Variants in ATP6V0D2 observed in about 807,000 individuals in gnomAD.
The protein encoded by ATP6V0D2 is V-type proton ATPase subunit d 2.
In ATP6V0D2, 40 loss-of-function variants were observed where a neutral mutation model predicts 40.0. The observed-to-expected ratio is 1.00, with a 90% CI of 0.78 to 1.30. The LOEUF is 1.30. Among genes scored for constraint, ATP6V0D2 ranks in the 50% most tolerant of loss-of-function variants. ATP6V0D2 has a pLI of 0.00. For synonymous variants in ATP6V0D2, 179 were observed against 156.3 expected (o/e 1.15, Z -1.08); for missense variants, 470 against 423.1 (o/e 1.11, Z -0.97).
chr8:86,099,082 A>T lies in ATP6V0D2; in HGVS notation c.104A>T (p.Asn35Ile). ...CTCCTGACCCAGCAAGACTATATCA[A>T]CCTGGTCCAGTGTGAGACCCTAGAA... ...ASLLTQQDYI[N>I]LVQCETLEDL... is the part of the protein sequence containing the mutation. Residue 35 changes from asparagine (N) to isoleucine (I), a missense_variant, in exon 1 of 8, where the codon AAC (asparagine) becomes ATC (isoleucine). Asn to Ile is a moderately radical substitution (Grantham distance 149). Transcript: ENST00000285393. 6.2e-7 allele frequency: 1 copy of T among 1,613,038 alleles called. No individual in the cohort carries two copies. Among genetic ancestry groups the T allele is most frequent in the Non-Finnish European group, 8.5e-7 (1 of 1,179,712 alleles).
chr8:86,127,763 A>G (rs937095395), intron 2 of ATP6V0D2, among the ~76,000 whole-genome samples: 1 of 152,194 alleles, frequency 6.6e-6, no homozygotes, highest in Non-Finnish European at 1.5e-5. Flanking sequence ...TACATTCTGT[A>G]TGTATAATTG....
rs369096171 is a variant in ATP6V0D2 at position 86,098,940 on chromosome 8, G to A, written c.-39G>A. 142 of 1,606,724 alleles carry A rather than the reference G, an allele frequency of 8.8e-5. No homozygotes were observed. The highest frequency in any genetic ancestry group is 1.2e-4 in the Non-Finnish European group (142 of 1,176,816). ...TCTTCAGGGGCCGTCCAGGACTACA[G>A]AGCTGTTTCACCCTACCTTGGCTTC... On this transcript the variant is annotated 5_prime_UTR_variant, in exon 1 of 8. Coordinates refer to ENST00000285393, the MANE Select transcript of ATP6V0D2 (RefSeq NM_152565.1).
chr8:86,114,075 T>C (rs1486324897), intron 2 of ATP6V0D2, among the ~76,000 whole-genome samples, 195 bp downstream of exon 2: 1 of 152,140 alleles, frequency 6.6e-6, no homozygotes, highest in Admixed American at 6.5e-5. Flanking sequence ...ATTTCATTGA[T>C]TTATAAACAT....
intron 2 of ATP6V0D2, among the ~76,000 whole-genome samples, chr8:86,118,527 C>T (rs1221349347): frequency 1.3e-5 from 2 of 152,046 alleles, no homozygotes; most frequent in Non-Finnish European, 2.9e-5. Context: ...TTCCTCCTCC[C>T]AGTGATGGTT....
chr8:86,143,212 G>T (rs1194107922), intron 5 of ATP6V0D2, among the ~76,000 whole-genome samples: 1 of 152,040 alleles, frequency 6.6e-6, no homozygotes, highest in Non-Finnish European at 1.5e-5. Flanking sequence ...CACAGATTTG[G>T]TTATGATTCA....
At chr8:86,111,667 C>A (rs1359864160) in intron 1 of ATP6V0D2, among the ~76,000 whole-genome samples, 1 of 152,158 alleles carries the variant, frequency 6.6e-6, no homozygotes, top group African/African-American at 2.4e-5. Flanking sequence ...CTTAATACTT[C>A]AGCAACACTG....
intron 6 of ATP6V0D2, 48 bp from the exon 7 acceptor site, chr8:86,151,418 T>C (rs1000149009): frequency 7.9e-7 from 1 of 1,270,454 alleles, no homozygotes; most frequent in African/African-American, 1.5e-5. Context: ...TTTATATACA[T>C]TTATAAGAAA....
intron 2 of ATP6V0D2, among the ~76,000 whole-genome samples, chr8:86,116,815 G>T (rs1206896933): frequency 6.6e-6 from 1 of 152,094 alleles, no homozygotes; most frequent in Non-Finnish European, 1.5e-5. Context: ...TCTCAACAAA[G>T]GTAGCACCAA....
intron 2 of ATP6V0D2, among the ~76,000 whole-genome samples, chr8:86,127,511 A>G (rs1818760844): frequency 6.6e-6 from 1 of 151,448 alleles, no homozygotes; most frequent in Non-Finnish European, 1.5e-5. Flanking sequence ...GCTGCAGTGC[A>G]GTGGTGTGAT....
rs553871046 is a variant in ATP6V0D2, at chr8:86,149,010, G to T, written c.640-1102G>T. 4.2e-4 allele frequency among the ~76,000 whole-genome samples: 52 copies of T among 122,466 alleles called. No homozygotes were observed. In the South Asian group the frequency reaches 0.014, roughly 34 times the overall value. The allele number at this position is 122,466 out of a possible 152,430, so 80.3% of individuals were successfully genotyped here. Reference sequence around the variant, plus strand: ...TGCAGTGAGTCCTGACCCCACCACTGCACTCCAGCCTGGATGACAGAGTGA... The same window carrying T: ...TGCAGTGAGTCCTGACCCCACCACTTCACTCCAGCCTGGATGACAGAGTGA... On this transcript the variant is annotated intron_variant, in intron 5 of 7. Transcript: ENST00000285393.
intron 2 of ATP6V0D2, among the ~76,000 whole-genome samples, chr8:86,117,110 T>C (rs1008568458): frequency 3.3e-5 from 5 of 152,202 alleles, no homozygotes; most frequent in African/African-American, 9.6e-5. Flanking sequence ...ATAATATATG[T>C]TGCAAAACTA....
At position 86,099,003 on chromosome 8, in the gene ATP6V0D2, T is replaced by A; in HGVS notation, c.25T>A (p.Phe9Ile). Residue 9 changes from phenylalanine (F) to isoleucine (I), a missense_variant, in exon 1 of 8, where the codon TTC becomes ATC. Physicochemically the swap from Phe to Ile is conservative, Grantham distance 21 (BLOSUM62 0). Coordinates refer to ENST00000285393, the MANE Select transcript of ATP6V0D2 (RefSeq NM_152565.1). The part of the protein sequence containing the change: MLEGAELY[F>I]NVDHGYLEGL... Reference sequence around the variant, plus strand: ...CATGCTCGAAGGTGCGGAGCTGTACTTCAACGTGGACCATGGCTACCTGGA... The same window carrying A: ...CATGCTCGAAGGTGCGGAGCTGTACATCAACGTGGACCATGGCTACCTGGA... The A allele has an allele frequency of 6.2e-7, 1 of 1,614,096 alleles. No homozygotes were observed. Among genetic ancestry groups the A allele is most frequent in the South Asian group, 1.1e-5 (1 of 91,070 alleles).
At chr8:86,120,176 T>C (rs1818650275) in intron 2 of ATP6V0D2, among the ~76,000 whole-genome samples, 1 of 152,146 alleles carries the variant, frequency 6.6e-6, no homozygotes, top group Admixed American at 6.5e-5. Flanking sequence ...GGTGGAAGGA[T>C]CACTTGAGGC....
intron 1 of ATP6V0D2, among the ~76,000 whole-genome samples, chr8:86,112,379 T>C (rs1394192961): frequency 6.6e-6 from 1 of 152,218 alleles, no homozygotes; most frequent in Non-Finnish European, 1.5e-5. Flanking sequence ...CAGGAATACC[T>C]GGCTTGGAAT....
chr8:86,143,443 T>C (rs1444004868), intron 5 of ATP6V0D2, among the ~76,000 whole-genome samples: 1 of 152,220 alleles, frequency 6.6e-6, no homozygotes, highest in Non-Finnish European at 1.5e-5. Flanking sequence ...GGCTGCTGGT[T>C]ACCTATTTGT....
chr8:86,111,506 T>TTCTA (rs1016433883), intron 1 of ATP6V0D2, among the ~76,000 whole-genome samples: 12 of 152,206 alleles, frequency 7.9e-5, no homozygotes, highest in African/African-American at 2.9e-4. Flanking sequence ...CTTAGCTTGA[T>TTCTA]TCTATGTCTT....
At chr8:86,141,410 C>T in intron 3 of ATP6V0D2, 40 bp from the exon 4 acceptor site, 2 of 1,489,136 alleles carry the variant, frequency 1.3e-6, no homozygotes, top group East Asian at 4.5e-5. Flanking sequence ...TATAATCTTG[C>T]TTAAGATTCA....
In ATP6V0D2 at chr8:86,118,764, A is replaced by T. The variant is rs528974445; in HGVS notation, c.302+4884A>T. Among the ~76,000 whole-genome samples the T allele has an allele frequency of 2.3e-4, 35 of 151,874 alleles. No individual in the cohort carries two copies. The South Asian group carries it at 6.2e-3, about 27-fold the overall frequency. On this transcript the variant is annotated intron_variant, in intron 2 of 7. Coordinates refer to ENST00000285393, the MANE Select transcript of ATP6V0D2 (RefSeq NM_152565.1). ...CAATATACTAGACAACATTTACAGA[A>T]TATTACAATATGCCGGGGACTTTAT... is the stretch of plus-strand genomic sequence containing the variant.
chr8:86,101,691 T>C (rs1178435776), intron 1 of ATP6V0D2, among the ~76,000 whole-genome samples: 2 of 152,010 alleles, frequency 1.3e-5, no homozygotes, highest in Non-Finnish European at 2.9e-5. Flanking sequence ...AAGAAAAGGT[T>C]TCAATCCCTC....
Sources: gnomAD v4.1 joint callset for allele counts (sites outside exome capture counted in the v4.1 genomes callset) on GRCh38, gnomAD v4.1.1 for gene constraint, MANE v1.5 for transcripts, NCBI Gene and HGNC (gene_info 2026-07-23, HGNC 2026-07-21) for gene names.